ROBO2: variants seen among roughly 807,000 people sequenced by gnomAD.
ROBO2 encodes the protein roundabout guidance receptor 2, also known as roundabout homolog 2.
ROBO2 carries 53 observed loss-of-function variants against 160.8 expected under a neutral mutation model. The observed-to-expected ratio is 0.33, with a 90% CI of 0.26 to 0.41. The LOEUF (loss-of-function observed/expected upper bound fraction) is 0.41. Among genes scored for constraint, ROBO2 ranks in the 10% least tolerant of loss-of-function variants. The pLI, the probability that ROBO2 is intolerant of heterozygous loss-of-function variation, is 1.00. For synonymous variants in ROBO2, 664 were observed against 611.7 expected, an observed-to-expected ratio of 1.09 and a Z score of -1.26; for missense variants, 1,577 against 1,722.4, an observed-to-expected ratio of 0.92 and a Z score of 1.49.
intron 2 of ROBO2, among the ~76,000 whole-genome samples, chr3:76,925,210 C>CAAAAAA (rs147022230): frequency 0.19 from 11,564 of 60,688 alleles, 704 homozygotes; most frequent in Non-Finnish European, 0.26. Context: ...GACTCCGTCT[C>CAAAAAA]AAAAAAAAAA....
intron 2 of ROBO2, among the ~76,000 whole-genome samples, chr3:76,777,134 A>G (rs1384836033): frequency 1.3e-5 from 2 of 151,172 alleles, no homozygotes; most frequent in South Asian, 2.1e-4. Context: ...AACTAATGGA[A>G]TTTTTGGCAT....
intron 2 of ROBO2, among the ~76,000 whole-genome samples, chr3:76,995,684 T>C (rs974185114): frequency 6.6e-6 from 1 of 152,164 alleles, no homozygotes; most frequent in East Asian, 1.9e-4. Context: ...TTTTGATTTG[T>C]ATTTCTCTGA....
At chr3:76,119,916 CCCTTCCTT>C (rs551169822) in intron 2 of ROBO2, among the ~76,000 whole-genome samples, 18,824 of 87,892 alleles carry the variant, frequency 0.21, 2,218 homozygotes, top group South Asian at 0.36. Context: ...TTCCCTCCCT[CCCTTCCTT>C]CCTTCCTTCC....
chr3:76,319,191 A>C (rs1342963844), intron 2 of ROBO2, among the ~76,000 whole-genome samples: 1 of 152,132 alleles, frequency 6.6e-6, no homozygotes, highest in Admixed American at 6.5e-5. Flanking sequence ...GAATTTAAGA[A>C]ATGAAAACAA....
chr3:77,589,670 G>A (rs1374018541), intron 17 of ROBO2, among the ~76,000 whole-genome samples: 1 of 151,980 alleles, frequency 6.6e-6, no homozygotes, highest in Non-Finnish European at 1.5e-5. Flanking sequence ...TATCTCCATG[G>A]TAGAGAGAGA....
intron 2 of ROBO2, chr3:76,433,915 G>T: frequency 1.6e-6 from 1 of 619,864 alleles, no homozygotes. Flanking sequence ...ATGACCATTT[G>T]TGATTTGAAT....
chr3:76,277,928 T>G (rs998431628), intron 2 of ROBO2, among the ~76,000 whole-genome samples: 10 of 140,396 alleles, frequency 7.1e-5, no homozygotes, highest in Non-Finnish European at 1.4e-4. Flanking sequence ...CAGTTTTTTG[T>G]TTTTTTTTTT....
At chr3:76,678,795 G>A (rs969217994) in intron 2 of ROBO2, among the ~76,000 whole-genome samples, 4 of 152,082 alleles carry the variant, frequency 2.6e-5, no homozygotes, top group Non-Finnish European at 5.9e-5. Context: ...CAATTTCTCT[G>A]TGCATTAGTT....
chr3:76,177,806 G>A (rs2073283515), intron 2 of ROBO2, among the ~76,000 whole-genome samples: 1 of 152,144 alleles, frequency 6.6e-6, no homozygotes, highest in Non-Finnish European at 1.5e-5. Context: ...ATAACAGATA[G>A]TAGGGTTCTA....
At chr3:76,900,086 G>A (rs1176373577) in intron 2 of ROBO2, among the ~76,000 whole-genome samples, 1 of 152,136 alleles carries the variant, frequency 6.6e-6, no homozygotes, top group Non-Finnish European at 1.5e-5. Flanking sequence ...CACAGCTTAA[G>A]TGGATGGCAG....
intron 2 of ROBO2, among the ~76,000 whole-genome samples, chr3:77,207,269 A>G (rs543707117): frequency 2.6e-5 from 4 of 152,302 alleles, no homozygotes; most frequent in South Asian, 4.1e-4. Context: ...TAACTGGACA[A>G]TTATTTCTTT....
chr3:76,533,209 A>G (rs1308547639), intron 2 of ROBO2, among the ~76,000 whole-genome samples: 1 of 152,224 alleles, frequency 6.6e-6, no homozygotes, highest in Non-Finnish European at 1.5e-5. Context: ...GGGTCTAGAG[A>G]AATACCAGCA....
exon 26 of ROBO2, chr3:77,648,770 A>G (rs1025342038): frequency 2.0e-5 from 3 of 152,286 alleles, no homozygotes; most frequent in African/African-American, 4.8e-5. Flanking sequence ...ACAAATACCT[A>G]TGAGAGCCAC....
In ROBO2 at chr3:76,799,233, C is replaced by CAA. The variant is rs34562249; in HGVS notation, c.110-298772_110-298771dup. 4.5e-3 allele frequency among the ~76,000 whole-genome samples: 667 copies of CAA among 147,674 alleles called. 5 individuals are homozygous for CAA. Among genetic ancestry groups the CAA allele is most frequent in the Admixed American group, 7.3e-3 (109 of 14,914 alleles). On this transcript the variant is annotated intron_variant, in intron 2 of 26. Transcript: ENST00000487694. ...CGTCTCAAAAAAAACAAAAACAAAACAAAAAAAAAACGTATATAACAGACT... is the reference window on the plus strand; with the variant it reads ...CGTCTCAAAAAAAACAAAAACAAAACAAAAAAAAAAAACGTATATAACAGACT...
Position 76,286,205 on chromosome 3 carries a change from G to C in ROBO2, c.109+348603G>C, listed in dbSNP as rs148818465. ...TTAGAAACAACCATTGGAAAAGGAGGAACAAGCTTCCATAAAAGCAATGAT... is the reference window on the plus strand; with the variant it reads ...TTAGAAACAACCATTGGAAAAGGAGCAACAAGCTTCCATAAAAGCAATGAT... On this transcript the variant is annotated intron_variant, in intron 2 of 26. Transcript: ENST00000487694. Among the ~76,000 whole-genome samples the C allele has an allele frequency of 3.9e-3, 598 of 152,260 alleles. 6 individuals carry two copies. Among genetic ancestry groups the C allele is most frequent in the Admixed American group, 0.025 (380 of 15,266 alleles).
intron 5 of ROBO2, among the ~76,000 whole-genome samples, chr3:77,509,371 T>C (rs116162319): frequency 0.018 from 2,810 of 152,182 alleles, 41 homozygotes; most frequent in South Asian, 0.037. Flanking sequence ...CATTAGGGTA[T>C]GGTTTCCTTC....
chr3:76,340,260 G>T (rs2108155380), intron 2 of ROBO2, among the ~76,000 whole-genome samples: 1 of 152,180 alleles, frequency 6.6e-6, no homozygotes, highest in South Asian at 2.1e-4. Flanking sequence ...ATTCATGCTG[G>T]CAAGCTGTCC....
chr3:76,876,728 C>T (rs924763115), intron 2 of ROBO2, among the ~76,000 whole-genome samples: 1 of 151,244 alleles, frequency 6.6e-6, no homozygotes, highest in Non-Finnish European at 1.5e-5. Context: ...TTATATATTG[C>T]AAAGAAATAC....
At chr3:76,173,200 A>T (rs1430967123) in intron 2 of ROBO2, among the ~76,000 whole-genome samples, 1 of 137,610 alleles carries the variant, frequency 7.3e-6, no homozygotes, top group Non-Finnish European at 1.5e-5. Flanking sequence ...TAAGGATTTA[A>T]TGGTAATATA....
Sources: gnomAD v4.1 joint callset for allele counts (sites outside exome capture counted in the v4.1 genomes callset) on GRCh38, gnomAD v4.1.1 for gene constraint, MANE v1.5 for transcripts, NCBI Gene and HGNC (gene_info 2026-07-23, HGNC 2026-07-21) for gene names.